NT5C2: variants seen among roughly 807,000 people sequenced by gnomAD.
NT5C2 encodes the protein cytosolic purine 5'-nucleotidase.
A neutral mutation model predicts 76.1 loss-of-function variants in NT5C2; 58 were observed. That is an observed-to-expected ratio of 0.76 (90% CI 0.62 to 0.95). The LOEUF is 0.95. Among genes scored for constraint, NT5C2 ranks in the 40% least tolerant of loss-of-function variants. The pLI, the probability that NT5C2 is intolerant of heterozygous loss-of-function variation, is 0.00. For synonymous variants in NT5C2, 229 were observed against 237.4 expected, an observed-to-expected ratio of 0.96 and a Z score of 0.32; for missense variants, 478 against 690.3, an observed-to-expected ratio of 0.69 and a Z score of 3.45.
Position 103,090,647 on chromosome 10 carries a change from G to T in NT5C2, c.1413C>A (p.Tyr471Ter), listed in dbSNP as rs138710030. 1.2e-6 allele frequency: 2 copies of T among 1,614,102 alleles called. No individual in the cohort carries two copies. The highest frequency in any genetic ancestry group is 1.7e-6 in the Non-Finnish European group (2 of 1,180,012). Residue 471 changes from tyrosine (Y) to a stop codon, truncating the protein, a stop_gained, in exon 18 of 19, where the codon TAC (tyrosine) becomes TAA (stop). Coordinates refer to ENST00000404739, the MANE Select transcript of NT5C2 (RefSeq NM_001351169.2). LOFTEE classifies it high-confidence loss of function. ...CAGCCCTGAAGAGGTAGCTGAAAGG[G>T]TAATACAGCAGGTTGATGAAAGATG... ...YAASFINLLY[Y>*]PFSYLFRAAH...
chr10:103,148,630 T>C (rs893407107), intron 3 of NT5C2, among the ~76,000 whole-genome samples: 30 of 151,036 alleles, frequency 2.0e-4, no homozygotes, highest in Non-Finnish European at 1.2e-4. Context: ...AACAGCCTCC[T>C]GTGCATTAAA....
intron 3 of NT5C2, among the ~76,000 whole-genome samples, chr10:103,143,010 T>G (rs367761831): frequency 1.4e-5 from 2 of 143,742 alleles, no homozygotes; most frequent in Non-Finnish European, 3.1e-5. Flanking sequence ...AAAAGAAGAA[T>G]AGAAAAGAGA....
chr10:103,126,217 G>A (rs1012026557), intron 4 of NT5C2, among the ~76,000 whole-genome samples: 1 of 152,210 alleles, frequency 6.6e-6, no homozygotes, highest in Non-Finnish European at 1.5e-5. Context: ...ACCCGCAGAG[G>A]AAGTCAAAAT....
At position 103,090,593 on chromosome 10, in the gene NT5C2, A is replaced by G; in HGVS notation, c.1449+18T>C. On this transcript the variant is annotated intron_variant, in intron 18 of 18. Transcript: ENST00000404739. Reference sequence around the variant, plus strand: ...GGCTTAGAGTACATCTTGGCTGTCCATTACAGCTTTAACTCACCAAGACAT... The same window carrying G: ...GGCTTAGAGTACATCTTGGCTGTCCGTTACAGCTTTAACTCACCAAGACAT... The G allele has an allele frequency of 6.2e-7, 1 of 1,607,358 alleles. No individual in the cohort carries two copies. Among genetic ancestry groups the G allele is most frequent in the South Asian group, 1.1e-5 (1 of 90,306 alleles).
rs1326354367 is a variant in NT5C2, at chr10:103,088,293, T to C, written c.*1379A>G. On this transcript the variant is annotated 3_prime_UTR_variant, in exon 19 of 19. Transcript: ENST00000404739. ...TGTTTGTTTAAAATGTTGAAACAAC[T>C]TTCACTGTACTGGTGAAACAGTTTT... is the stretch of plus-strand genomic sequence containing the variant. 2 of 152,254 alleles carry C rather than the reference T, an allele frequency of 1.3e-5. No homozygotes were observed. Among genetic ancestry groups the C allele is most frequent in the East Asian group, 1.9e-4 (1 of 5,206 alleles). The allele number at this position is 152,254 out of a possible 1,614,324, so 9.4% of individuals were successfully genotyped here.
chr10:103,191,091 G>A (rs1467177946), intron 1 of NT5C2, among the ~76,000 whole-genome samples: 1 of 152,276 alleles, frequency 6.6e-6, no homozygotes. Flanking sequence ...TAAGCTTTTG[G>A]TAAGAGAATT....
At chr10:103,157,167 CTT>C (rs2083591440) in intron 3 of NT5C2, among the ~76,000 whole-genome samples, 1 of 150,998 alleles carries the variant, frequency 6.6e-6, no homozygotes, top group Non-Finnish European at 1.5e-5. Flanking sequence ...GAAAAAAACA[CTT>C]AACTGAAAGC....
At chr10:103,191,396 A>G (rs2092629474) in intron 1 of NT5C2, among the ~76,000 whole-genome samples, 1 of 127,666 alleles carries the variant, frequency 7.8e-6, no homozygotes. Flanking sequence ...AAAAAAAAAA[A>G]AAGAGAGAGA....
chr10:103,134,932 A>T (rs2078902709), intron 4 of NT5C2, among the ~76,000 whole-genome samples: 1 of 152,246 alleles, frequency 6.6e-6, no homozygotes. Flanking sequence ...TCAAACTTGC[A>T]TGGGGCCTGT....
intron 4 of NT5C2, among the ~76,000 whole-genome samples, chr10:103,120,499 A>G (rs1455058136): frequency 6.6e-6 from 1 of 152,248 alleles, no homozygotes; most frequent in East Asian, 1.9e-4. Flanking sequence ...AAGAAGTTAT[A>G]TAACTGACTA....
intron 3 of NT5C2, among the ~76,000 whole-genome samples, chr10:103,156,666 A>C (rs1281278907): frequency 6.6e-6 from 1 of 151,838 alleles, no homozygotes; most frequent in Admixed American, 6.6e-5. Flanking sequence ...GAGGCTCGAC[A>C]ATCACTTGAA....
At chr10:103,168,950 A>G (rs376939575) in intron 3 of NT5C2, among the ~76,000 whole-genome samples, 1 of 152,374 alleles carries the variant, frequency 6.6e-6, no homozygotes, top group East Asian at 1.9e-4. Context: ...ACCTGGAAAC[A>G]GAATATTCTA....
chr10:103,104,826 A>G (rs952171984), intron 6 of NT5C2, among the ~76,000 whole-genome samples: 5 of 152,224 alleles, frequency 3.3e-5, no homozygotes, highest in African/African-American at 1.2e-4. Context: ...AAACATTTCA[A>G]TGTAGCCTGG....
chr10:103,089,114 A>G lies in NT5C2; in HGVS notation c.*558T>C, dbSNP rs1273899022. On this transcript the variant is annotated 3_prime_UTR_variant, in exon 19 of 19. Coordinates refer to ENST00000404739, the MANE Select transcript of NT5C2 (RefSeq NM_001351169.2). ...GTAGAGCATACTTCTGTGCAAAGCC[A>G]GTGATAGAGAAGCAGCCTTGCCAGA... 1 of 227,280 alleles carries G rather than the reference A, an allele frequency of 4.4e-6. No homozygotes were observed. The highest frequency in any genetic ancestry group is 2.2e-5 in the African/African-American group (1 of 45,078). The allele number at this position is 227,280 out of a possible 1,614,324, so 14.1% of individuals were successfully genotyped here.
At chr10:103,139,563 G>T in intron 3 of NT5C2, 84 bp from the exon 4 acceptor site, 1 of 952,020 alleles carries the variant, frequency 1.1e-6, no homozygotes, top group Non-Finnish European at 1.5e-6. Context: ...ATTTTTCTAG[G>T]TTTTCTCATT....
intron 2 of NT5C2, among the ~76,000 whole-genome samples, chr10:103,178,945 T>TC (rs1196304612): frequency 2.8e-5 from 4 of 141,140 alleles, no homozygotes; most frequent in Non-Finnish European, 4.7e-5. Context: ...TTTTCTTTTT[T>TC]CTTTTTTTCT....
intron 4 of NT5C2, among the ~76,000 whole-genome samples, chr10:103,135,502 C>T (rs537894597): frequency 3.2e-4 from 48 of 152,164 alleles, no homozygotes; most frequent in Non-Finnish European, 5.7e-4. Context: ...TGGTTGGGCT[C>T]GGTGGCTCAC....
intron 3 of NT5C2, among the ~76,000 whole-genome samples, chr10:103,151,235 T>C (rs1206384906): frequency 6.6e-6 from 1 of 151,722 alleles, no homozygotes. Flanking sequence ...GAGGCCAAGG[T>C]GGGTGGATCA....
chr10:103,158,077 G>GAA (rs56754296), intron 3 of NT5C2, among the ~76,000 whole-genome samples: 3 of 106,216 alleles, frequency 2.8e-5, no homozygotes, highest in East Asian at 2.5e-4. Flanking sequence ...ATCTCAAAAA[G>GAA]AAAAAAAAAA....
Sources: gnomAD v4.1 joint callset for allele counts (sites outside exome capture counted in the v4.1 genomes callset) on GRCh38, gnomAD v4.1.1 for gene constraint, MANE v1.5 for transcripts, NCBI Gene and HGNC (gene_info 2026-07-23, HGNC 2026-07-21) for gene names.